LRRIQ3: variants seen among roughly 807,000 people sequenced by gnomAD.
LRRIQ3 encodes leucine-rich repeat and IQ domain-containing protein 3.
Under a neutral mutation model 59.3 loss-of-function variants are expected in LRRIQ3, and 75 were observed. The observed-to-expected ratio is 1.26, with a 90% CI of 1.05 to 1.53. The LOEUF (loss-of-function observed/expected upper bound fraction) is 1.53. Ranked by LOEUF, LRRIQ3 falls within the 40% of genes most tolerant of loss-of-function variation. LRRIQ3 has a pLI of 0.00. For synonymous variants in LRRIQ3, 250 were observed against 231.3 expected, an observed-to-expected ratio of 1.08 and a Z score of -0.73; for missense variants, 831 against 710.0, an observed-to-expected ratio of 1.17 and a Z score of -1.94.
chr1:74,191,002 C>T (rs936128096), intron 1 of LRRIQ3, among the ~76,000 whole-genome samples: 19 of 152,124 alleles, frequency 1.2e-4, no homozygotes, highest in African/African-American at 4.6e-4. Flanking sequence ...ATGCTGAGGC[C>T]TCCCCAGCCA....
intron 7 of LRRIQ3, among the ~76,000 whole-genome samples, chr1:74,033,456 AAGGAAGAAAGGAGTTG>A (rs1355047160): frequency 3.9e-5 from 6 of 152,100 alleles, no homozygotes; most frequent in African/African-American, 1.2e-4. Flanking sequence ...GGTGGAAGTA[AAGGAAGAAAGGAGTTG>A]AGGAAGAAAG....
intron 4 of LRRIQ3, among the ~76,000 whole-genome samples, chr1:74,154,367 T>G (rs1648196051): frequency 6.6e-6 from 1 of 151,480 alleles, no homozygotes; most frequent in Non-Finnish European, 1.5e-5. Flanking sequence ...TTTTATCCCC[T>G]GTTCTTTACA....
chr1:74,082,460 T>C (rs1040367097), intron 5 of LRRIQ3: 1 of 151,602 alleles, frequency 6.6e-6, no homozygotes, highest in Admixed American at 6.6e-5. Context: ...TGATGGGCAA[T>C]AAAATGGAAT....
At position 74,041,250 on chromosome 1, in the gene LRRIQ3, A is replaced by AT. The variant is rs768665407; in HGVS notation, c.1680dup (p.Tyr561IlefsTer2). On this transcript the variant is annotated frameshift_variant, in exon 7 of 8. Coordinates refer to ENST00000354431, the MANE Select transcript of LRRIQ3 (RefSeq NM_001105659.2). LOFTEE classifies it low-confidence loss of function (END_TRUNC). ...ATTTCTTTAAGTAAATTCTTTCTAT[A>AT]TTTTTCTGCTTTTAGTTTTTGCTTA... The AT allele has an allele frequency of 1.9e-6, 3 of 1,590,848 alleles. No homozygotes were observed. In the Admixed American group the frequency reaches 5.5e-5, roughly 29 times the overall value.
At chr1:74,100,857 T>C (rs957074592) in intron 5 of LRRIQ3, among the ~76,000 whole-genome samples, 1 of 152,204 alleles carries the variant, frequency 6.6e-6, no homozygotes, top group African/African-American at 2.4e-5. Flanking sequence ...GCTAGCCATA[T>C]GTAGAAAGCT....
chr1:74,127,912 T>C (rs544041911), intron 4 of LRRIQ3, among the ~76,000 whole-genome samples: 1 of 152,146 alleles, frequency 6.6e-6, no homozygotes, highest in South Asian at 2.1e-4. Flanking sequence ...AAGTCTGGTA[T>C]TGATGAAATC....
At chr1:74,168,821 C>A (rs1213192695) in intron 3 of LRRIQ3, among the ~76,000 whole-genome samples, 1 of 152,080 alleles carries the variant, frequency 6.6e-6, no homozygotes, top group Non-Finnish European at 1.5e-5. Context: ...ATATGTATTA[C>A]TTGTGTTACT....
chr1:74,172,234 CCCTT>C (rs1300537658), intron 3 of LRRIQ3, among the ~76,000 whole-genome samples: 1 of 152,088 alleles, frequency 6.6e-6, no homozygotes, highest in Admixed American at 6.6e-5. Context: ...CTATAAACCT[CCCTT>C]ATCATACTGC....
At chr1:74,085,456 C>T (rs1646318013) in intron 5 of LRRIQ3, among the ~76,000 whole-genome samples, 1 of 151,450 alleles carries the variant, frequency 6.6e-6, no homozygotes, top group African/African-American at 2.4e-5. Context: ...CATAAACAAA[C>T]CTGAATAACA....
At chr1:74,145,515 C>A (rs1647514558) in intron 4 of LRRIQ3, among the ~76,000 whole-genome samples, 1 of 59,538 alleles carries the variant, frequency 1.7e-5, no homozygotes, top group African/African-American at 5.7e-5. Context: ...AGATACTACA[C>A]AATCTAATCT....
intron 4 of LRRIQ3, among the ~76,000 whole-genome samples, chr1:74,114,759 G>GA (rs1234491823): frequency 6.8e-6 from 1 of 147,552 alleles, no homozygotes; most frequent in African/African-American, 2.5e-5. Context: ...AATGCACCAA[G>GA]AAAATCACTA....
intron 6 of LRRIQ3, among the ~76,000 whole-genome samples, chr1:74,072,380 T>A (rs990535575): frequency 6.6e-6 from 1 of 152,186 alleles, no homozygotes; most frequent in East Asian, 1.9e-4. Flanking sequence ...AAATCTTGCA[T>A]ATTAGCTAAA....
intron 5 of LRRIQ3, among the ~76,000 whole-genome samples, chr1:74,086,708 G>T (rs1378344043): frequency 2.0e-5 from 3 of 152,084 alleles, no homozygotes; most frequent in Non-Finnish European, 4.4e-5. Flanking sequence ...CTGGGAACAT[G>T]AGTTAGGCAG....
chr1:74,175,500 T>C (rs1055054078), intron 3 of LRRIQ3, among the ~76,000 whole-genome samples: 3 of 152,108 alleles, frequency 2.0e-5, no homozygotes, highest in Non-Finnish European at 4.4e-5. Flanking sequence ...ACTGGATAAA[T>C]GGGAGGCCAA....
At chr1:74,156,753 T>G (rs953165885) in intron 3 of LRRIQ3, among the ~76,000 whole-genome samples, 14 of 152,176 alleles carry the variant, frequency 9.2e-5, no homozygotes. Context: ...CAAATTATCT[T>G]GGAAAAGATC....
chr1:74,104,855 A>T (rs1267106804), intron 5 of LRRIQ3, among the ~76,000 whole-genome samples: 2 of 152,044 alleles, frequency 1.3e-5, no homozygotes, highest in Non-Finnish European at 2.9e-5. Context: ...GGGTCCATCT[A>T]TTTAATAAAT....
intron 4 of LRRIQ3, among the ~76,000 whole-genome samples, chr1:74,130,056 AGTGTTGGGTGAGGG>A (rs1646990057): frequency 1.3e-5 from 2 of 152,056 alleles, no homozygotes; most frequent in South Asian, 4.1e-4. Flanking sequence ...TATGTTGTCT[AGTGTTGGGTGAGGG>A]GTGATGCAAA....
chr1:74,070,181 T>G (rs942903434), intron 6 of LRRIQ3, among the ~76,000 whole-genome samples: 3 of 152,066 alleles, frequency 2.0e-5, no homozygotes, highest in Non-Finnish European at 4.4e-5. Context: ...CATGCACACA[T>G]GTTCATTGCA....
chr1:74,181,248 G>A (rs1400893769), intron 3 of LRRIQ3: 1 of 152,972 alleles, frequency 6.5e-6, no homozygotes, highest in Non-Finnish European at 1.5e-5. Flanking sequence ...TGAACCTACA[G>A]TAATTGATCC....
Sources: allele counts gnomAD v4.1 joint callset (sites outside exome capture counted in the v4.1 genomes callset), GRCh38; gene constraint gnomAD v4.1.1; transcripts MANE v1.5; gene names NCBI Gene and HGNC (gene_info 2026-07-23, HGNC 2026-07-21).